Variants in ZFTA observed in about 807,000 individuals in gnomAD.
ZFTA encodes zinc finger translocation associated.
Under a neutral mutation model 41.8 loss-of-function variants are expected in ZFTA, and 35 were observed. That is an observed-to-expected ratio of 0.84 (90% CI 0.64 to 1.11). ZFTA has a LOEUF of 1.11. ZFTA is among the 50% of genes most tolerant of loss of function. The pLI is 0.00. For synonymous variants in ZFTA, 514 were observed against 436.4 expected, an observed-to-expected ratio of 1.18 and a Z score of -2.22; for missense variants, 964 against 989.8, an observed-to-expected ratio of 0.97 and a Z score of 0.35.
chr11:63,764,661 A>T, intron 3 of ZFTA, 63 bp from the exon 4 acceptor site: 1 of 1,280,774 alleles, frequency 7.8e-7, no homozygotes, highest in African/African-American at 1.5e-5. Context: ...TTGCCCACTC[A>T]GAGGGGTCCA....
Position 63,763,381 on chromosome 11 carries a change from G to T in ZFTA, c.*37C>A. The T allele has an allele frequency of 2.4e-6, 3 of 1,231,922 alleles. No individual in the cohort carries two copies. Among genetic ancestry groups the T allele is most frequent in the South Asian group, 4.7e-5 (2 of 42,648 alleles). The allele number at this position is 1,231,922 out of a possible 1,614,324, so 76.3% of individuals were successfully genotyped here. A position where few individuals can be genotyped will look rare whatever the true frequency, so the allele number is the denominator to read the frequency against. On this transcript the variant is annotated 3_prime_UTR_variant, in exon 5 of 5. Transcript: ENST00000433688. Reference sequence around the variant, plus strand: ...GCACAGGGCGGGGCGGGGCCGATCCGACCCGACCCGACCTGACCCGGGGGC... The same window carrying T: ...GCACAGGGCGGGGCGGGGCCGATCCTACCCGACCCGACCTGACCCGGGGGC...
rs1396087326 is a variant in ZFTA, at chr11:63,765,247, G to A, written c.645C>T (p.Ala215=). Residue 215 remains alanine, a synonymous_variant, in exon 3 of 5, where the codon GCC becomes GCT. Coordinates refer to ENST00000433688, the MANE Select transcript of ZFTA (RefSeq NM_001144936.2). This position sits in a 1 kb window ranked among gnomAD's most constrained non-coding sequence, Gnocchi z 4.0. ...PACPPKGPGK[A]PAGGGCRRQR... is the part of the protein sequence containing the mutation. ...GGCGCCGGCAGCCCCCACCAGCTGG[G>A]GCTTTGCCTGAAAGGGTTGGAGGGA... The A allele has an allele frequency of 1.4e-6, 2 of 1,451,050 alleles. No individual in the cohort carries two copies. The highest frequency in any genetic ancestry group is 2.6e-5 in the East Asian group (1 of 38,904). The allele number at this position is 1,451,050 out of a possible 1,614,324, so 89.9% of individuals were successfully genotyped here.
rs1459268872 is a variant in ZFTA, at chr11:63,765,860, T to C, written c.584A>G (p.Glu195Gly). 1 of 1,515,600 alleles carries C rather than the reference T, an allele frequency of 6.6e-7. No homozygotes were observed. Among genetic ancestry groups the C allele is most frequent in the African/African-American group, 1.4e-5 (1 of 71,854 alleles). 93.9% of individuals were successfully genotyped at this position (1,515,600 alleles called of 1,614,324 possible). A position where few individuals can be genotyped will look rare whatever the true frequency, so the allele number is the denominator to read the frequency against. ...QGAEEEEEEE[E>G]EEEEEGAGVP... ...ACCGGCCCCCTCCTCCTCCTCCTCT[T>C]CTTCCTCCTCCTCCTCCTCCTCAGC... Residue 195 changes from glutamate to glycine, a missense_variant, in exon 2 of 5, where the codon GAA becomes GGA. By Grantham distance (98) the Glu-to-Gly change is moderately conservative. This residue lies in a region of ZFTA where 141 missense variants were observed against 216.7 expected (regional missense o/e 0.65). Coordinates refer to ENST00000433688, the MANE Select transcript of ZFTA (RefSeq NM_001144936.2). This position sits in a 1 kb window ranked among gnomAD's most constrained non-coding sequence, Gnocchi z 4.0.
Position 63,764,986 on chromosome 11 carries a change from G to A in ZFTA, c.906C>T (p.Ala302=). 6.5e-7 allele frequency: 1 copy of A among 1,548,864 alleles called. No individual in the cohort carries two copies. The highest frequency in any genetic ancestry group is 8.7e-7 in the Non-Finnish European group (1 of 1,146,590). ...LPSLHLDDIR[A]HVLEVHPGSL... ...AGCCAGGGTGCACCTCCAGCACGTG[G>A]GCACGGATGTCGTCCAGGTGCAGGC... The change falls in exon 3 of 5, where the codon GCC becomes GCT. Residue 302 remains alanine (A), a synonymous_variant. Coordinates refer to ENST00000433688, the MANE Select transcript of ZFTA (RefSeq NM_001144936.2).
intron 1 of ZFTA, among the ~76,000 whole-genome samples, chr11:63,768,249 A>C (rs140628142): frequency 0.21 from 30,753 of 149,948 alleles, 4,336 homozygotes; most frequent in African/African-American, 0.4. Flanking sequence ...TGCGGGCGGC[A>C]GCGGGGCCCT....
In ZFTA at chr11:63,764,172, G is replaced by A; in HGVS notation, c.1451C>T (p.Ala484Val). Residue 484 changes from alanine (A) to valine (V), a missense_variant, in exon 4 of 5, where the codon GCC (alanine) becomes GTC (valine). This residue lies in a region of ZFTA where 584 missense variants were observed against 523.1 expected (regional missense o/e 1.12). Transcript: ENST00000433688. ...ALIAREWSEK[A>V]AHLLALGPPR... is the part of the protein sequence containing the mutation. ...CGGCCCCAGGGCCAGCAGGTGGGCG[G>A]CCTTCTCGCTCCACTCCCGGGCGAT... The A allele has an allele frequency of 1.5e-6, 2 of 1,375,028 alleles. No individual in the cohort carries two copies. The highest frequency in any genetic ancestry group is 1.9e-6 in the Non-Finnish European group (2 of 1,072,200). The allele number at this position is 1,375,028 out of a possible 1,614,324, so 85.2% of individuals were successfully genotyped here. A position where few individuals can be genotyped will look rare whatever the true frequency, so the allele number is the denominator to read the frequency against.
At position 63,766,188 on chromosome 11, in the gene ZFTA, C is replaced by T. The variant is rs1428696821; in HGVS notation, c.256G>A (p.Ala86Thr). 5 of 1,528,838 alleles carry T rather than the reference C, an allele frequency of 3.3e-6. No homozygotes were observed. Among genetic ancestry groups the T allele is most frequent in the Non-Finnish European group, 4.4e-6 (5 of 1,137,134 alleles). 94.7% of individuals were successfully genotyped at this position (1,528,838 alleles called of 1,614,324 possible). The change falls in exon 2 of 5, where the codon GCC (alanine) becomes ACC (threonine). Residue 86 changes from alanine to threonine, a missense_variant. This residue lies in a region of ZFTA where 141 missense variants were observed against 216.7 expected (regional missense o/e 0.65). Transcript: ENST00000433688. ...SGRKYSDHCEARASRPGKSRI... is the reference protein window; with the variant it reads ...SGRKYSDHCETRASRPGKSRI... ...CTCTTTCCAGGCCTCGAGGCCCGGG[C>T]CTCACAGTGGTCTGAATATTTCCTG...
At position 63,760,716 on chromosome 11, in the gene ZFTA, C is replaced by G. The variant is rs1419295740; in HGVS notation, c.*2702G>C. The G allele has an allele frequency of 6.6e-6, 1 of 152,262 alleles. No individual in the cohort carries two copies. Among genetic ancestry groups the G allele is most frequent in the Non-Finnish European group, 1.5e-5 (1 of 68,058 alleles). The allele number at this position is 152,262 out of a possible 1,614,324, so 9.4% of individuals were successfully genotyped here. On this transcript the variant is annotated 3_prime_UTR_variant, in exon 5 of 5. Transcript: ENST00000433688. ...AATCAATGGAATCACTACCGCAGCC[C>G]TTCCCTTTCACTGGTGCCCGGCACT...
At position 63,760,063 on chromosome 11, in the gene ZFTA, A is replaced by G. The variant is rs1343330447; in HGVS notation, c.*3355T>C. The G allele has an allele frequency of 5.9e-5, 9 of 152,194 alleles. No homozygotes were observed. The highest frequency in any genetic ancestry group is 5.9e-4 in the Admixed American group (9 of 15,276). 9.4% of individuals were successfully genotyped at this position (152,194 alleles called of 1,614,324 possible). ...AGACTGCAGAATTTAGTTGTACAGC[A>G]TAACTGTGCATTTGATCTCTGAAAG... On this transcript the variant is annotated 3_prime_UTR_variant, in exon 5 of 5. Transcript: ENST00000433688.
rs1027053163 is a variant in ZFTA at position 63,763,273 on chromosome 11, C to CGCCCG, written c.*140_*144dup. On this transcript the variant is annotated 3_prime_UTR_variant, in exon 5 of 5. Transcript: ENST00000433688. ...GTGGCCCCACCCGATCCCCCGTCTCCGCCCGGCCCGGCCAGCGGGGGGCGC... is the reference window on the plus strand; with the variant it reads ...GTGGCCCCACCCGATCCCCCGTCTCCGCCCGGCCCGGCCCGGCCAGCGGGGGGCGC... The CGCCCG allele has an allele frequency of 1.0e-5, 5 of 494,698 alleles. No homozygotes were observed. The South Asian group carries it at 3.7e-4, about 37-fold the overall frequency. The allele number at this position is 494,698 out of a possible 1,614,324, so 30.6% of individuals were successfully genotyped here.
rs1453279400 is a variant in ZFTA at position 63,761,186 on chromosome 11, G to C, written c.*2232C>G. On this transcript the variant is annotated 3_prime_UTR_variant, in exon 5 of 5. Transcript: ENST00000433688. ...TCTCCGTTCTCAAGCTTTTAATACT[G>C]TCTCAAAAACCGTGGAGGTTCAAAC... 6.6e-6 allele frequency: 1 copy of C among 152,202 alleles called. No individual in the cohort carries two copies. Among genetic ancestry groups the C allele is most frequent in the African/African-American group, 2.4e-5 (1 of 41,450 alleles). 9.4% of individuals were successfully genotyped at this position (152,202 alleles called of 1,614,324 possible). A position where few individuals can be genotyped will look rare whatever the true frequency, so the allele number is the denominator to read the frequency against.
chr11:63,768,617 C>T lies in ZFTA; in HGVS notation c.6G>A (p.Glu2=). M[E]PGGDHRSRSS... is the part of the protein sequence containing the mutation. ...TCCGGCTCCGGTGGTCCCCGCCGGG[C>T]TCCATGCGCTGCGCTGCGGAGCGGG... Residue 2 remains glutamate (E), a synonymous_variant, in exon 1 of 5, where the codon GAG becomes GAA. Coordinates refer to ENST00000433688, the MANE Select transcript of ZFTA (RefSeq NM_001144936.2). 2 of 1,002,494 alleles carry T rather than the reference C, an allele frequency of 2.0e-6. No homozygotes were observed. Among genetic ancestry groups the T allele is most frequent in the Non-Finnish European group, 1.2e-6 (1 of 843,744 alleles). 62.1% of individuals were successfully genotyped at this position (1,002,494 alleles called of 1,614,324 possible). A position where few individuals can be genotyped will look rare whatever the true frequency, so the allele number is the denominator to read the frequency against.
In ZFTA at chr11:63,761,239, TGAC is replaced by T. The variant is rs1372133535; in HGVS notation, c.*2176_*2178del. 1.3e-5 allele frequency: 2 copies of T among 152,212 alleles called. No individual in the cohort carries two copies. Among genetic ancestry groups the T allele is most frequent in the African/African-American group, 2.4e-5 (1 of 41,444 alleles). 9.4% of individuals were successfully genotyped at this position (152,212 alleles called of 1,614,324 possible). On this transcript the variant is annotated 3_prime_UTR_variant, in exon 5 of 5. Coordinates refer to ENST00000433688, the MANE Select transcript of ZFTA (RefSeq NM_001144936.2). The stretch of plus-strand genomic sequence containing the variant: ...ACTGGGAATTTACTTTTCAGTCAAT[TGAC>T]AACCCATTCAGGATCTTCCTGAATC...
intron 4 of ZFTA, 56 bp downstream of exon 4, chr11:63,763,982 C>G: frequency 7.6e-7 from 1 of 1,310,024 alleles, no homozygotes; most frequent in Non-Finnish European, 9.9e-7. Context: ...CCAGTCCCTT[C>G]TGCCCCAGCA....
chr11:63,767,540 T>A (rs901251056), intron 1 of ZFTA: 1 of 152,112 alleles, frequency 6.6e-6, no homozygotes, highest in Non-Finnish European at 1.5e-5. Flanking sequence ...CTTCCAGCGC[T>A]GGATCCAGGC....
rs2014789015 is a variant in ZFTA at position 63,768,677 on chromosome 11, G to GC, written c.-56_-55insG. ...CGGCGGGGCGCGGGGCCGCGGGGCCGGCGGCAGCCCGCGCGGAGCGCTCGC... is the reference window on the plus strand; with the variant it reads ...CGGCGGGGCGCGGGGCCGCGGGGCCGCGCGGCAGCCCGCGCGGAGCGCTCGC... On this transcript the variant is annotated 5_prime_UTR_variant, in exon 1 of 5. Transcript: ENST00000433688. 1 of 875,038 alleles carries GC rather than the reference G, an allele frequency of 1.1e-6. No individual in the cohort carries two copies. Among genetic ancestry groups the GC allele is most frequent in the Non-Finnish European group, 1.4e-6 (1 of 733,492 alleles). The allele number at this position is 875,038 out of a possible 1,614,324, so 54.2% of individuals were successfully genotyped here. A position where few individuals can be genotyped will look rare whatever the true frequency, so the allele number is the denominator to read the frequency against.
At position 63,761,359 on chromosome 11, in the gene ZFTA, G is replaced by A. The variant is rs2014632798; in HGVS notation, c.*2059C>T. On this transcript the variant is annotated 3_prime_UTR_variant, in exon 5 of 5. Coordinates refer to ENST00000433688, the MANE Select transcript of ZFTA (RefSeq NM_001144936.2). ...CGCCCCACCTCTGGAGTTCTGCTGG[G>A]GAGGGGAAGGACGATTGGATGGCGC... 1 of 152,316 alleles carries A rather than the reference G, an allele frequency of 6.6e-6. No individual in the cohort carries two copies. The highest frequency in any genetic ancestry group is 6.5e-5 in the Admixed American group (1 of 15,294). 9.4% of individuals were successfully genotyped at this position (152,316 alleles called of 1,614,324 possible).
Position 63,765,428 on chromosome 11 carries a change from C to T in ZFTA, c.638-174G>A, listed in dbSNP as rs1357706558. The stretch of plus-strand genomic sequence containing the variant: ...AACCCTCCTCTGCTAGCATTTCAAG[C>T]ACCACCCACACCTCCCCCAGACTGG... On this transcript the variant is annotated intron_variant, in intron 2 of 4. Coordinates refer to ENST00000433688, the MANE Select transcript of ZFTA (RefSeq NM_001144936.2). The surrounding 1 kb of genome is among the most constrained non-coding windows in gnomAD (Gnocchi z 4.0). Among the ~76,000 whole-genome samples the T allele has an allele frequency of 6.6e-6, 1 of 152,118 alleles. No individual in the cohort carries two copies. The highest frequency in any genetic ancestry group is 2.4e-5 in the African/African-American group (1 of 41,416).
chr11:63,766,036 G>A lies in ZFTA; in HGVS notation c.408C>T (p.Leu136=), dbSNP rs940477258. Residue 136 remains leucine, a synonymous_variant, in exon 2 of 5, where the codon CTC becomes CTT. Transcript: ENST00000433688. The stretch of plus-strand genomic sequence containing the variant: ...TGTGGCGCTTGATGGTGCTGAGCTT[G>A]AGGGTGGCCAGGGAGCTGCCGCACA... The part of the protein sequence containing the change: ...CMVCGSSLAT[L]KLSTIKRHIR... The A allele has an allele frequency of 1.3e-6, 2 of 1,551,044 alleles. No homozygotes were observed. The highest frequency in any genetic ancestry group is 3.9e-5 in the Admixed American group (2 of 50,928).
Sources: gnomAD v4.1 joint callset for allele counts (sites outside exome capture counted in the v4.1 genomes callset) on GRCh38, gnomAD v4.1.1 for gene constraint, gnomAD v4.1.1 regional missense constraint, Gnocchi (gnomAD v3.1) non-coding constraint, MANE v1.5 for transcripts, NCBI Gene and HGNC (gene_info 2026-07-23, HGNC 2026-07-21) for gene names.